The following LIPK variants were observed in gnomAD, a reference collection of about 807,000 sequenced individuals.
LIPK encodes the protein lipase family member K, also known as lipase member K.
Under a neutral mutation model 48.6 loss-of-function variants are expected in LIPK, and 32 were observed. The ratio of observed to expected loss-of-function variants is 0.66; its 90% CI spans 0.50 to 0.88. The LOEUF (loss-of-function observed/expected upper bound fraction) is 0.88. Ranked by LOEUF, LIPK falls within the 40% of genes least tolerant of loss-of-function variation. LIPK has a pLI of 0.00. For synonymous variants in LIPK, 164 were observed against 157.4 expected (o/e 1.04, Z -0.32); for missense variants, 507 against 478.5 (o/e 1.06, Z -0.56).
intron 9 of LIPK, among the ~76,000 whole-genome samples, chr10:88,751,618 GA>G (rs1338051702): frequency 6.6e-6 from 1 of 152,124 alleles, no homozygotes; most frequent in Non-Finnish European, 1.5e-5. Context: ...TAACTGTTGT[GA>G]AAAACCTGAC....
chr10:88,725,551 T>C (rs1317335763), intron 2 of LIPK, among the ~76,000 whole-genome samples: 1 of 152,240 alleles, frequency 6.6e-6, no homozygotes, highest in African/African-American at 2.4e-5. Flanking sequence ...GGAAAATGCA[T>C]AATCCTTTGA....
rs535818552 is a variant in LIPK, at chr10:88,707,831, A to G, written c.-12+1511A>G. On this transcript the variant is annotated intron_variant, in intron 1 of 9. Coordinates refer to ENST00000404190, the MANE Select transcript of LIPK (RefSeq NM_001080518.2). ...TTGTCTTTCACCCTGTGGGTGGGGG[A>G]AAAACAGGGAAGCAATTTAAATCTA... Among the ~76,000 whole-genome samples, 148 of 152,186 alleles carry G rather than the reference A, an allele frequency of 9.7e-4. 3 individuals carry two copies. The South Asian group carries it at 0.015, about 16-fold the overall frequency.
intron 3 of LIPK, chr10:88,728,637 T>C: frequency 2.0e-6 from 1 of 489,376 alleles, no homozygotes; most frequent in Non-Finnish European, 4.1e-6. Flanking sequence ...GAGCGCCACC[T>C]ACAGGAAGCT....
At chr10:88,724,451 G>C in intron 1 of LIPK, 82 bp from the exon 2 acceptor site, 1 of 752,250 alleles carries the variant, frequency 1.3e-6, no homozygotes, top group South Asian at 1.6e-5. Context: ...CTCTCTCATA[G>C]CAGTGTTATA....
At chr10:88,743,778 C>G (rs908076418) in intron 9 of LIPK, among the ~76,000 whole-genome samples, 1 of 152,142 alleles carries the variant, frequency 6.6e-6, no homozygotes, top group Non-Finnish European at 1.5e-5. Context: ...AACGGGGTTG[C>G]TGAGCACCAG....
chr10:88,712,134 C>A (rs921727631), intron 1 of LIPK, among the ~76,000 whole-genome samples: 3 of 152,066 alleles, frequency 2.0e-5, no homozygotes, highest in African/African-American at 7.2e-5. Context: ...AAGTATATCT[C>A]TCTATGTATT....
At chr10:88,713,589 T>C (rs944198176) in intron 1 of LIPK, among the ~76,000 whole-genome samples, 1 of 152,180 alleles carries the variant, frequency 6.6e-6, no homozygotes, top group Non-Finnish European at 1.5e-5. Context: ...ATCTATTAGA[T>C]ATAGTGGGTT....
intron 1 of LIPK, among the ~76,000 whole-genome samples, chr10:88,706,922 C>T (rs777032199): frequency 1.4e-4 from 22 of 152,048 alleles, no homozygotes; most frequent in Non-Finnish European, 2.4e-4. Flanking sequence ...ATGTGGTTCA[C>T]ATTAATGTAG....
chr10:88,746,584 C>T (rs1170704936), intron 9 of LIPK, among the ~76,000 whole-genome samples: 3 of 152,010 alleles, frequency 2.0e-5, no homozygotes, highest in Non-Finnish European at 4.4e-5. Flanking sequence ...AACAAAGATA[C>T]AATATACCAG....
intron 9 of LIPK, among the ~76,000 whole-genome samples, chr10:88,749,876 A>C (rs752947393): frequency 6.6e-5 from 10 of 151,534 alleles, no homozygotes; most frequent in Non-Finnish European, 1.2e-4. Flanking sequence ...ACAACCTAAG[A>C]ATAAGAGAAA....
chr10:88,750,126 G>C (rs1292991903), intron 9 of LIPK, among the ~76,000 whole-genome samples: 3 of 152,150 alleles, frequency 2.0e-5, no homozygotes, highest in African/African-American at 7.2e-5. Flanking sequence ...ACACCAGTCA[G>C]AATGGCTATT....
chr10:88,734,428 G>A (rs764924946), intron 6 of LIPK, among the ~76,000 whole-genome samples: 16 of 152,152 alleles, frequency 1.1e-4, no homozygotes, highest in Admixed American at 3.3e-4. Context: ...GTGAAGGAGA[G>A]TATGAGAAAT....
chr10:88,732,291 T>G lies in LIPK; in HGVS notation c.532+4T>G, dbSNP rs766437173. ...CACTCACAAGGCACCACCATAGGTG[T>G]GTTTGGGGCAGATGTGATCAGAGAA... On this transcript the variant is annotated splice_donor_region_variant and intron_variant, in intron 5 of 9. Coordinates refer to ENST00000404190, the MANE Select transcript of LIPK (RefSeq NM_001080518.2). The G allele has an allele frequency of 5.6e-6, 9 of 1,610,870 alleles. No homozygotes were observed. Among genetic ancestry groups the G allele is most frequent in the Non-Finnish European group, 5.1e-6 (6 of 1,178,250 alleles).
chr10:88,729,869 C>T (rs1002484781), intron 3 of LIPK, among the ~76,000 whole-genome samples: 2 of 152,182 alleles, frequency 1.3e-5, no homozygotes, highest in African/African-American at 4.8e-5. Flanking sequence ...AACAACACAG[C>T]ATCACAAACC....
intron 3 of LIPK, chr10:88,728,027 G>A (rs1026134709): frequency 2.7e-6 from 1 of 366,438 alleles, no homozygotes; most frequent in Non-Finnish European, 5.5e-6. Context: ...AACATGCAGG[G>A]GCTGGTGGAG....
At chr10:88,738,058 C>T (rs952115494) in intron 7 of LIPK, among the ~76,000 whole-genome samples, 1 of 152,152 alleles carries the variant, frequency 6.6e-6, no homozygotes, top group Non-Finnish European at 1.5e-5. Context: ...TCTTGCTGTG[C>T]CTACGCCTTA....
Position 88,732,299 on chromosome 10 carries a change from G to A in LIPK, c.532+12G>A, listed in dbSNP as rs1842483512. ...AGGCACCACCATAGGTGTGTTTGGG[G>A]CAGATGTGATCAGAGAATGTCAGGG... is the stretch of plus-strand genomic sequence containing the variant. On this transcript the variant is annotated intron_variant, in intron 5 of 9. Coordinates refer to ENST00000404190, the MANE Select transcript of LIPK (RefSeq NM_001080518.2). 1 of 1,608,172 alleles carries A rather than the reference G, an allele frequency of 6.2e-7. No individual in the cohort carries two copies. Among genetic ancestry groups the A allele is most frequent in the Non-Finnish European group, 8.5e-7 (1 of 1,176,582 alleles).
intron 9 of LIPK, among the ~76,000 whole-genome samples, chr10:88,751,973 C>T (rs374430255): frequency 6.6e-6 from 1 of 152,068 alleles, no homozygotes; most frequent in African/African-American, 2.4e-5. Flanking sequence ...AAGAAAGAAG[C>T]GGTAAGGGAA....
intron 9 of LIPK, among the ~76,000 whole-genome samples, chr10:88,751,283 G>A (rs931075157): frequency 2.6e-5 from 4 of 152,014 alleles, no homozygotes; most frequent in Non-Finnish European, 5.9e-5. Flanking sequence ...GCTTCTTGCC[G>A]ATAGACTGAG....
Sources: allele counts gnomAD v4.1 joint callset (sites outside exome capture counted in the v4.1 genomes callset), GRCh38; gene constraint gnomAD v4.1.1; transcripts MANE v1.5; gene names NCBI Gene and HGNC (gene_info 2026-07-23, HGNC 2026-07-21).